Variants in ST6GALNAC3 observed in about 807,000 individuals in gnomAD.
The protein encoded by ST6GALNAC3 is ST6 N-acetylgalactosaminide alpha-2,6-sialyltransferase 3.
In ST6GALNAC3, 25 loss-of-function variants were observed where a neutral mutation model predicts 32.7. The ratio of observed to expected loss-of-function variants is 0.76; its 90% CI spans 0.56 to 1.07. The LOEUF is 1.07. ST6GALNAC3 is among the 50% of genes least tolerant of loss of function. ST6GALNAC3 has a pLI of 0.00. For synonymous variants in ST6GALNAC3, 129 were observed against 133.1 expected (o/e 0.97, Z 0.21); for missense variants, 355 against 382.4 (o/e 0.93, Z 0.60).
chr1:76,291,083 T>G (rs1660055443), intron 1 of ST6GALNAC3, among the ~76,000 whole-genome samples: 1 of 152,182 alleles, frequency 6.6e-6, no homozygotes, highest in African/African-American at 2.4e-5. Flanking sequence ...CCGGCTTGTT[T>G]TGAGCAGGAA....
chr1:76,112,656 T>A (rs1210033646), intron 1 of ST6GALNAC3, among the ~76,000 whole-genome samples: 10 of 145,678 alleles, frequency 6.9e-5, no homozygotes, highest in African/African-American at 2.1e-4. Flanking sequence ...TCCTCACTTC[T>A]CAGATGGGGC....
chr1:76,168,494 A>G (rs1337203030), intron 1 of ST6GALNAC3, among the ~76,000 whole-genome samples: 1 of 152,208 alleles, frequency 6.6e-6, no homozygotes, highest in Admixed American at 6.5e-5. Context: ...CATTTGATCT[A>G]ATGCTGAGTT....
At chr1:76,576,447 A>G (rs1646808818) in intron 3 of ST6GALNAC3, among the ~76,000 whole-genome samples, 1 of 152,086 alleles carries the variant, frequency 6.6e-6, no homozygotes, top group Non-Finnish European at 1.5e-5. Flanking sequence ...CTCCCAATCC[A>G]TAATTGATGA....
At chr1:76,326,826 G>GT (rs11331532) in intron 2 of ST6GALNAC3, among the ~76,000 whole-genome samples, 44,935 of 113,382 alleles carry the variant, frequency 0.4, 9,408 homozygotes, top group East Asian at 0.74. Flanking sequence ...GAAGTTTTGG[G>GT]TTTTTTTTTT....
chr1:76,430,492 C>CT (rs1655676068), intron 3 of ST6GALNAC3, among the ~76,000 whole-genome samples: 1 of 152,160 alleles, frequency 6.6e-6, no homozygotes, highest in African/African-American at 2.4e-5. Context: ...TGCATCTTTG[C>CT]TGACCCTGTT....
At chr1:76,567,096 A>T (rs1275739268) in intron 3 of ST6GALNAC3, among the ~76,000 whole-genome samples, 1 of 152,176 alleles carries the variant, frequency 6.6e-6, no homozygotes, top group Non-Finnish European at 1.5e-5. Context: ...GAAAAAAAGG[A>T]TGTTAATATT....
intron 1 of ST6GALNAC3, among the ~76,000 whole-genome samples, chr1:76,281,250 A>AAATT (rs1345373878): frequency 6.6e-6 from 1 of 152,208 alleles, no homozygotes; most frequent in African/African-American, 2.4e-5. Context: ...TTGAGTTTGC[A>AAATT]AATTTTCTCT....
At chr1:76,332,162 C>G (rs1284800134) in intron 2 of ST6GALNAC3, among the ~76,000 whole-genome samples, 3 of 152,158 alleles carry the variant, frequency 2.0e-5, no homozygotes, top group Admixed American at 6.6e-5. Context: ...GAGTTAATGA[C>G]AGTGGCAGTC....
intron 1 of ST6GALNAC3, among the ~76,000 whole-genome samples, chr1:76,111,968 G>C (rs934182513): frequency 6.6e-6 from 1 of 152,070 alleles, no homozygotes; most frequent in South Asian, 2.1e-4. Flanking sequence ...CCTCCCAGAC[G>C]GGGTGGTGGC....
chr1:76,446,644 G>C (rs1656990859), intron 3 of ST6GALNAC3, among the ~76,000 whole-genome samples: 1 of 152,132 alleles, frequency 6.6e-6, no homozygotes, highest in East Asian at 1.9e-4. Flanking sequence ...TTGTGGGAGG[G>C]ACCCAGTGGG....
chr1:76,218,836 A>T (rs1295295346), intron 1 of ST6GALNAC3, among the ~76,000 whole-genome samples: 1 of 152,172 alleles, frequency 6.6e-6, no homozygotes, highest in Non-Finnish European at 1.5e-5. Context: ...TGTTATTGTT[A>T]CTGGCACTTT....
intron 1 of ST6GALNAC3, among the ~76,000 whole-genome samples, chr1:76,274,936 A>T (rs1557744771): frequency 6.6e-6 from 1 of 152,178 alleles, no homozygotes; most frequent in Non-Finnish European, 1.5e-5. Flanking sequence ...AGTTGGAAAA[A>T]TGTCACTCTC....
At chr1:76,226,578 C>T (rs1247416844) in intron 1 of ST6GALNAC3, among the ~76,000 whole-genome samples, 1 of 152,058 alleles carries the variant, frequency 6.6e-6, no homozygotes, top group Non-Finnish European at 1.5e-5. Flanking sequence ...TTCTGCAGGC[C>T]GTACGGGAAG....
intron 1 of ST6GALNAC3, among the ~76,000 whole-genome samples, chr1:76,301,549 C>T (rs968454052): frequency 7.2e-5 from 11 of 152,028 alleles, no homozygotes; most frequent in Middle Eastern, 3.4e-3. Flanking sequence ...ATATTAAATT[C>T]AGAATTGATA....
intron 3 of ST6GALNAC3, among the ~76,000 whole-genome samples, chr1:76,487,400 T>C (rs567268089): frequency 7.7e-4 from 117 of 152,210 alleles, no homozygotes; most frequent in Non-Finnish European, 1.3e-3. Flanking sequence ...CATAGTCCCA[T>C]ATTTCTTGGA....
chr1:76,132,127 C>T (rs1649648934), intron 1 of ST6GALNAC3, among the ~76,000 whole-genome samples: 1 of 152,186 alleles, frequency 6.6e-6, no homozygotes, highest in South Asian at 2.1e-4. Flanking sequence ...CCCCCACTTC[C>T]ATATTTCCCG....
At position 76,147,369 on chromosome 1, in the gene ST6GALNAC3, C is replaced by T. The variant is rs545701737; in HGVS notation, c.18+72485C>T. On this transcript the variant is annotated intron_variant, in intron 1 of 4. Coordinates refer to ENST00000328299, the MANE Select transcript of ST6GALNAC3 (RefSeq NM_152996.4). ...TGAGCTGCTGTTCCTGGCCTGATCA[C>T]TCACTTTTACTGCTAAGGCTTTTAA... Among the ~76,000 whole-genome samples, 4 of 152,236 alleles carry T rather than the reference C, an allele frequency of 2.6e-5. 1 individual carries two copies. The highest frequency in any genetic ancestry group is 9.6e-5 in the African/African-American group (4 of 41,564).
chr1:76,483,546 T>C (rs953086258), intron 3 of ST6GALNAC3, among the ~76,000 whole-genome samples: 2 of 152,222 alleles, frequency 1.3e-5, no homozygotes, highest in Non-Finnish European at 2.9e-5. Flanking sequence ...TCTGTTCATA[T>C]CCTTTGCCCA....
intron 3 of ST6GALNAC3, among the ~76,000 whole-genome samples, chr1:76,592,452 T>C (rs1377196628): frequency 6.6e-6 from 1 of 152,100 alleles, no homozygotes; most frequent in Non-Finnish European, 1.5e-5. Context: ...GCAAGATCAC[T>C]TTGGGGCATG....
Sources: allele counts gnomAD v4.1 joint callset (sites outside exome capture counted in the v4.1 genomes callset), GRCh38; gene constraint gnomAD v4.1.1; transcripts MANE v1.5; gene names NCBI Gene and HGNC (gene_info 2026-07-23, HGNC 2026-07-21).